Variants in PCDH11Y observed in about 807,000 individuals in gnomAD.
PCDH11Y encodes the protein protocadherin-11 Y-linked.
For synonymous variants in PCDH11Y, 9 were observed against 83.6 expected, an observed-to-expected ratio of 0.11 and a Z score of 4.87; for missense variants, 12 against 224.8, an observed-to-expected ratio of 0.05 and a Z score of 6.05.
chrY:5,384,284 C>G, intron 2 of PCDH11Y, among the ~76,000 whole-genome samples: 3 of 31,142 alleles, frequency 9.6e-5, no homozygotes, highest in Non-Finnish European at 2.3e-4. Flanking sequence ...TCTCATGTGA[C>G]CCACTGCAAA....
At chrY:5,417,097 C>T in intron 2 of PCDH11Y, among the ~76,000 whole-genome samples, 1 of 31,796 alleles carries the variant, frequency 3.1e-5, no homozygotes, top group African/African-American at 1.2e-4. Context: ...TGATTCAAGA[C>T]CTTAAAACAT....
chrY:5,048,553 G>T, intron 3 of PCDH11Y, among the ~76,000 whole-genome samples: 1 of 32,849 alleles, frequency 3.0e-5, no homozygotes, highest in African/African-American at 1.2e-4. Context: ...CTGCAACCTC[G>T]CCAGCATATG....
chrY:5,439,974 C>T, intron 2 of PCDH11Y, among the ~76,000 whole-genome samples: 1 of 33,152 alleles, frequency 3.0e-5, no homozygotes, highest in African/African-American at 1.2e-4. Context: ...AACAACTAAC[C>T]TGCTCCTGTT....
intron 2 of PCDH11Y, among the ~76,000 whole-genome samples, chrY:5,350,204 C>CT (rs2053156327): frequency 3.1e-5 from 1 of 32,717 alleles, no homozygotes; most frequent in Non-Finnish European, 7.5e-5. Context: ...ATTTGCTAGA[C>CT]TTTTTTTGTT....
rs1602908892 is a variant in PCDH11Y, at chrY:5,347,137, T to C, written c.3130-153920T>C. Among the ~76,000 whole-genome samples, 3 of 33,730 alleles carry C rather than the reference T, an allele frequency of 8.9e-5. No individual in the cohort carries two copies. The East Asian group carries it at 2.4e-3, about 27-fold the overall frequency. 90.5% of individuals were successfully genotyped at this position (33,730 alleles called of 37,273 possible). A position where few individuals can be genotyped will look rare whatever the true frequency, so the allele number is the denominator to read the frequency against. ...CCAAGTGATATTCTTGAGTACTTAA[T>C]GTTTACATTTAAGAAAATCGTAATC... On this transcript the variant is annotated intron_variant, in intron 2 of 4. Transcript: ENST00000400457.
At chrY:5,688,554 C>G in intron 4 of PCDH11Y, among the ~76,000 whole-genome samples, 1 of 31,302 alleles carries the variant, frequency 3.2e-5, no homozygotes, top group Non-Finnish European at 7.7e-5. Context: ...ATTTATGTGG[C>G]TTTTAAAAAA....
chrY:5,142,947 T>C, intron 2 of PCDH11Y, among the ~76,000 whole-genome samples: 1 of 33,517 alleles, frequency 3.0e-5, no homozygotes, highest in South Asian at 6.6e-4. Flanking sequence ...GTGTAGACAA[T>C]TGTCCATTAA....
chrY:5,664,258 A>G (rs866726645), intron 4 of PCDH11Y, among the ~76,000 whole-genome samples: 4 of 32,979 alleles, frequency 1.2e-4, no homozygotes, highest in South Asian at 1.4e-3. Context: ...TTTTAACAGC[A>G]TAACTGGAGA....
chrY:5,122,956 T>C (rs2052820386), intron 2 of PCDH11Y, among the ~76,000 whole-genome samples: 1 of 33,251 alleles, frequency 3.0e-5, no homozygotes, highest in Non-Finnish European at 7.4e-5. Context: ...GGGTTTTGTA[T>C]GGCACTTAAT....
chrY:5,721,547 A>G (rs2053594747), intron 4 of PCDH11Y, among the ~76,000 whole-genome samples: 1 of 33,197 alleles, frequency 3.0e-5, no homozygotes, highest in African/African-American at 1.2e-4. Context: ...ATTGCCAAAA[A>G]CAATCAAGCA....
intron 2 of PCDH11Y, among the ~76,000 whole-genome samples, chrY:5,206,955 C>T: frequency 3.2e-5 from 1 of 31,631 alleles, no homozygotes; most frequent in African/African-American, 1.3e-4. Context: ...GCAGCCATTT[C>T]TAGAGAAAAA....
chrY:5,705,810 T>C, intron 4 of PCDH11Y, among the ~76,000 whole-genome samples: 1 of 32,960 alleles, frequency 3.0e-5, no homozygotes. Context: ...TTAGTTCACA[T>C]GAATAGATGG....
intron 2 of PCDH11Y, among the ~76,000 whole-genome samples, chrY:5,145,570 T>A: frequency 3.0e-5 from 1 of 32,933 alleles, no homozygotes; most frequent in Non-Finnish European, 7.5e-5. Context: ...TTCCTTAATA[T>A]AGTTAGTAGT....
chrY:5,458,429 A>C, intron 2 of PCDH11Y, among the ~76,000 whole-genome samples: 2 of 32,466 alleles, frequency 6.2e-5, no homozygotes, highest in Admixed American at 2.9e-4. Flanking sequence ...ATAATTAGGC[A>C]GCACAAAGCA....
chrY:5,071,751 G>A, intron 1 of PCDH11Y, among the ~76,000 whole-genome samples: 1 of 31,965 alleles, frequency 3.1e-5, no homozygotes, highest in African/African-American at 1.2e-4. Flanking sequence ...TGCTACATTC[G>A]TTTTGAAGAT....
chrY:5,504,898 A>AT (rs2053357628), intron 3 of PCDH11Y, among the ~76,000 whole-genome samples: 1 of 32,681 alleles, frequency 3.1e-5, no homozygotes, highest in Non-Finnish European at 7.6e-5. Context: ...TGTTTTCTAA[A>AT]TTTTTTTTCT....
intron 1 of PCDH11Y, among the ~76,000 whole-genome samples, chrY:5,031,462 T>C (rs2124621586): frequency 3.6e-4 from 12 of 33,187 alleles, no homozygotes; most frequent in Admixed American, 1.9e-3. Context: ...ATCGATAATA[T>C]AAAACTCAAA....
At chrY:5,407,630 TG>T in intron 2 of PCDH11Y, among the ~76,000 whole-genome samples, 1 of 32,945 alleles carries the variant, frequency 3.0e-5, no homozygotes, top group Non-Finnish European at 7.5e-5. Flanking sequence ...ACTAAAGCTG[TG>T]GGCCAGGCAC....
At chrY:5,672,418 A>AT (rs2053550322) in intron 4 of PCDH11Y, among the ~76,000 whole-genome samples, 27 of 26,409 alleles carry the variant, frequency 1.0e-3, no homozygotes, top group Admixed American at 1.4e-3. Context: ...TTTAACTGGG[A>AT]TTTTTTTTTT....
Sources: allele counts gnomAD v4.1 joint callset (sites outside exome capture counted in the v4.1 genomes callset), GRCh38; gene constraint gnomAD v4.1.1; transcripts MANE v1.5; gene names NCBI Gene and HGNC (gene_info 2026-07-23, HGNC 2026-07-21).